DHRS3: variants seen among roughly 807,000 people sequenced by gnomAD.
The protein encoded by DHRS3 is dehydrogenase/reductase 3, also known as short-chain dehydrogenase/reductase 3.
In DHRS3, 14 loss-of-function variants were observed where a neutral mutation model predicts 27.2. The observed-to-expected ratio is 0.52, with a 90% CI of 0.34 to 0.81. DHRS3 has a LOEUF of 0.81. Ranked by LOEUF, DHRS3 falls within the 30% of genes least tolerant of loss-of-function variation. DHRS3 has a pLI of 0.01. For missense variants in DHRS3, 322 were observed against 406.2 expected, an observed-to-expected ratio of 0.79 and a Z score of 1.78; for synonymous variants, 165 against 175.9, an observed-to-expected ratio of 0.94 and a Z score of 0.49.
At chr1:12,568,487 C>A in intron 5 of DHRS3, 63 bp from the exon 6 acceptor site, 1 of 1,528,600 alleles carries the variant, frequency 6.5e-7, no homozygotes, top group South Asian at 1.1e-5. Context: ...GGGGCTGGGT[C>A]GCTGGTGGCC....
intron 4 of DHRS3, among the ~76,000 whole-genome samples, chr1:12,576,374 A>G (rs1474253559): frequency 6.6e-6 from 1 of 151,910 alleles, no homozygotes; most frequent in East Asian, 1.9e-4. Flanking sequence ...CATCCTGGCT[A>G]ACACGGTGAA....
intron 1 of DHRS3, among the ~76,000 whole-genome samples, chr1:12,597,009 C>T (rs112720680): frequency 2.5e-3 from 380 of 152,202 alleles, no homozygotes; most frequent in Non-Finnish European, 4.0e-3. Context: ...CCCATTGACT[C>T]CCCTACTTGG....
chr1:12,581,837 A>G (rs1395608001), intron 1 of DHRS3, among the ~76,000 whole-genome samples: 1 of 152,216 alleles, frequency 6.6e-6, no homozygotes, highest in Non-Finnish European at 1.5e-5. Context: ...AGAGGTCAGA[A>G]GCAGAGACAG....
chr1:12,588,029 G>A (rs549488809), intron 1 of DHRS3, among the ~76,000 whole-genome samples: 2 of 152,338 alleles, frequency 1.3e-5, no homozygotes, highest in East Asian at 1.9e-4. Flanking sequence ...GTGCTGTCAC[G>A]GCCATTTGGG....
chr1:12,575,052 C>T (rs1022931268), intron 4 of DHRS3, among the ~76,000 whole-genome samples: 4 of 152,174 alleles, frequency 2.6e-5, no homozygotes, highest in African/African-American at 7.2e-5. Flanking sequence ...ATTGGCTGGG[C>T]GTGGTGGCTC....
intron 1 of DHRS3, 86 bp from the exon 2 acceptor site, chr1:12,580,752 G>C: frequency 6.7e-7 from 1 of 1,498,150 alleles, no homozygotes; most frequent in South Asian, 1.3e-5. Context: ...AGGATTTAAA[G>C]TCATTTGTCT....
intron 5 of DHRS3, among the ~76,000 whole-genome samples, chr1:12,569,551 T>G (rs1393009113): frequency 1.3e-5 from 2 of 152,224 alleles, no homozygotes; most frequent in African/African-American, 4.8e-5. Flanking sequence ...CTTTTAGTTT[T>G]TTTATTTATT....
intron 1 of DHRS3, among the ~76,000 whole-genome samples, chr1:12,595,817 T>C (rs1332037522): frequency 2.2e-5 from 2 of 89,680 alleles, no homozygotes; most frequent in African/African-American, 8.7e-5. Context: ...AGAAGGGGGC[T>C]GGGTTGAGGT....
intron 1 of DHRS3, among the ~76,000 whole-genome samples, chr1:12,604,735 C>A (rs1358808932): frequency 4.6e-5 from 7 of 152,212 alleles, no homozygotes. Flanking sequence ...CCCAGGACGG[C>A]CACTTCACCT....
rs75277118 is a variant in DHRS3, at chr1:12,573,198, C to T, written c.699-345G>A. 1.0e-2 allele frequency among the ~76,000 whole-genome samples: 1,523 copies of T among 152,350 alleles called. 17 individuals carry two copies. Among genetic ancestry groups the T allele is most frequent in the African/African-American group, 0.035 (1,459 of 41,572 alleles). ...CCTTCTGAGTCCTTTTCCCTACACT[C>T]TGCTCCTTCAGGACAGGCCCATTTC... is the stretch of plus-strand genomic sequence containing the variant. On this transcript the variant is annotated intron_variant, in intron 4 of 5. Transcript: ENST00000616661.
rs368544591 is a variant in DHRS3 at position 12,591,493 on chromosome 1, C to A, written c.196-10827G>T. 2.6e-5 allele frequency among the ~76,000 whole-genome samples: 4 copies of A among 152,232 alleles called. No individual in the cohort carries two copies. In the East Asian group the frequency reaches 5.8e-4, roughly 22 times the overall value. The stretch of plus-strand genomic sequence containing the variant: ...TGTCGCCCTCCCACAAGTCCCTGAC[C>A]GCAACCTGGAGCAGGGCAGAGACTT... On this transcript the variant is annotated intron_variant, in intron 1 of 5. Transcript: ENST00000616661. This position sits in a 1 kb window ranked among gnomAD's most constrained non-coding sequence, Gnocchi z 4.1.
chr1:12,583,284 C>T (rs1281276756), intron 1 of DHRS3, among the ~76,000 whole-genome samples: 2 of 150,012 alleles, frequency 1.3e-5, no homozygotes, highest in Admixed American at 1.3e-4. Context: ...CTCACTTACC[C>T]CATTCCATTA....
intron 1 of DHRS3, among the ~76,000 whole-genome samples, chr1:12,599,047 A>T (rs1162237735): frequency 1.3e-5 from 2 of 152,210 alleles, no homozygotes; most frequent in Non-Finnish European, 2.9e-5. Context: ...AGCTAATTAA[A>T]CGTAATTTAT....
chr1:12,617,520 G>GA lies in DHRS3; in HGVS notation c.-173dup, dbSNP rs58614555. 31,691 of 131,912 alleles carry GA rather than the reference G, an allele frequency of 0.24. 3,858 individuals are homozygous for GA. The highest frequency in any genetic ancestry group is 0.3 in the Admixed American group (2,802 of 9,430). 8.2% of individuals were successfully genotyped at this position (131,912 alleles called of 1,614,324 possible). A position where few individuals can be genotyped will look rare whatever the true frequency, so the allele number is the denominator to read the frequency against. On this transcript the variant is annotated 5_prime_UTR_variant, in exon 1 of 6. Transcript: ENST00000616661. ...AATGCAAAGCACCGGGTGAGAAAAAGAAAAAAAAAAAAAAAAAAAAGATAA... is the reference window on the plus strand; with the variant it reads ...AATGCAAAGCACCGGGTGAGAAAAAGAAAAAAAAAAAAAAAAAAAAAGATAA...
intron 1 of DHRS3, among the ~76,000 whole-genome samples, chr1:12,598,046 C>A (rs759792297): frequency 2.0e-5 from 3 of 152,180 alleles, no homozygotes; most frequent in Non-Finnish European, 4.4e-5. Context: ...CAGAGCCACT[C>A]CAGGAAGAAC....
At chr1:12,590,202 C>A (rs146314140) in intron 1 of DHRS3, among the ~76,000 whole-genome samples, 1,684 of 152,172 alleles carry the variant, frequency 0.011, 108 homozygotes, top group Admixed American at 0.1. Context: ...TGGTGAGGAG[C>A]CTCTGGAGGT....
At chr1:12,589,391 C>CTT (rs70987258) in intron 1 of DHRS3, among the ~76,000 whole-genome samples, 16,768 of 136,296 alleles carry the variant, frequency 0.12, 1,552 homozygotes, top group African/African-American at 0.24. Context: ...TTTTCTTTTT[C>CTT]TTTTTTTTTT....
At chr1:12,571,477 C>T (rs1179299681) in intron 5 of DHRS3, among the ~76,000 whole-genome samples, 1 of 151,764 alleles carries the variant, frequency 6.6e-6, no homozygotes, top group Non-Finnish European at 1.5e-5. Context: ...AAAGTGAGGT[C>T]CAGGAACCTT....
intron 1 of DHRS3, among the ~76,000 whole-genome samples, chr1:12,606,935 T>C (rs529091311): frequency 6.6e-6 from 1 of 152,180 alleles, no homozygotes. Context: ...GAGGTGGACA[T>C]GGCCCAGTCA....
Sources: allele counts gnomAD v4.1 joint callset (sites outside exome capture counted in the v4.1 genomes callset), GRCh38; gene constraint gnomAD v4.1.1; non-coding constraint Gnocchi (gnomAD v3.1); transcripts MANE v1.5; gene names NCBI Gene and HGNC (gene_info 2026-07-23, HGNC 2026-07-21).